CHMP7: variants seen among roughly 807,000 people sequenced by gnomAD.
The protein encoded by CHMP7 is CHMP family, member 7.
Under a neutral mutation model 53.7 loss-of-function variants are expected in CHMP7, and 15 were observed. That is an observed-to-expected ratio of 0.28 (90% CI 0.19 to 0.43). The LOEUF (loss-of-function observed/expected upper bound fraction) is 0.43, where lower values mean the gene tolerates loss of function less well. Among genes scored for constraint, CHMP7 ranks in the 20% least tolerant of loss-of-function variants. The pLI, the probability that CHMP7 is intolerant of heterozygous loss-of-function variation, is 1.00. For synonymous variants in CHMP7, 261 were observed against 228.0 expected (o/e 1.14, Z -1.30); for missense variants, 527 against 569.4 (o/e 0.93, Z 0.76).
chr8:23,261,260 C>T lies in CHMP7; in HGVS notation c.*661C>T, dbSNP rs1312093176. On this transcript the variant is annotated 3_prime_UTR_variant, in exon 11 of 11. Coordinates refer to ENST00000397677, the MANE Select transcript of CHMP7 (RefSeq NM_152272.5). ...GGCTGGTGTGGCCGGTGGGCGCTGC[C>T]TCTTCATCTGATGGAGCCAGGAGGT... The T allele has an allele frequency of 6.5e-6, 1 of 152,712 alleles. No homozygotes were observed. Among genetic ancestry groups the T allele is most frequent in the African/African-American group, 2.4e-5 (1 of 41,382 alleles). 9.5% of individuals were successfully genotyped at this position (152,712 alleles called of 1,614,324 possible). A position where few individuals can be genotyped will look rare whatever the true frequency, so the allele number is the denominator to read the frequency against.
intron 5 of CHMP7, 72 bp from the exon 6 acceptor site, chr8:23,257,961 C>T: frequency 1.9e-6 from 2 of 1,029,034 alleles, no homozygotes; most frequent in Non-Finnish European, 1.5e-6. Context: ...GAGTGCTGCT[C>T]TCAGGGACCC....
Position 23,246,760 on chromosome 8 carries a change from C to T in CHMP7, c.65C>T (p.Pro22Leu), listed in dbSNP as rs760790780. ...AGGDPAGLLP[P>L]EWEEDEERMS... Reference sequence around the variant, plus strand: ...GGAGACCCGGCGGGCCTTCTGCCCCCCGAGTGGGAGGAGGACGAGGAGCGC... The same window carrying T: ...GGAGACCCGGCGGGCCTTCTGCCCCTCGAGTGGGAGGAGGACGAGGAGCGC... Residue 22 changes from proline (P) to leucine (L), a missense_variant, in exon 2 of 11, where the codon CCC becomes CTC. By Grantham distance (98) the Pro-to-Leu change is moderately conservative. Transcript: ENST00000397677. 1.9e-6 allele frequency: 3 copies of T among 1,557,692 alleles called. No homozygotes were observed. Among genetic ancestry groups the T allele is most frequent in the Non-Finnish European group, 2.6e-6 (3 of 1,151,236 alleles).
rs1204904467 is a variant in CHMP7, at chr8:23,255,373, G to T, written c.598G>T (p.Val200Leu). Reference sequence around the variant, plus strand: ...CCCAGATGAGAGGACCTTCTACTTGGTGTTGCTGCAGCTGCAGAAGGAGAA... The same window carrying T: ...CCCAGATGAGAGGACCTTCTACTTGTTGTTGCTGCAGCTGCAGAAGGAGAA... ...SCPDERTFYL[V>L]LLQLQKEKRV... is the part of the protein sequence containing the mutation. Residue 200 changes from valine to leucine, a missense_variant, in exon 4 of 11, where the codon GTG becomes TTG. Val to Leu is a conservative substitution (Grantham distance 32). Coordinates refer to ENST00000397677, the MANE Select transcript of CHMP7 (RefSeq NM_152272.5). 6.2e-7 allele frequency: 1 copy of T among 1,614,088 alleles called. No homozygotes were observed. Among genetic ancestry groups the T allele is most frequent in the African/African-American group, 1.3e-5 (1 of 74,936 alleles).
Position 23,260,986 on chromosome 8 carries a change from C to CG in CHMP7, c.*387_*388insG, listed in dbSNP as rs1350375711. ...AAATCTGAATCAGTTCCCACTCCCC[C>CG]CTGCGGTTTTTTAGAGGGGTTTATC... is the stretch of plus-strand genomic sequence containing the variant. On this transcript the variant is annotated 3_prime_UTR_variant, in exon 11 of 11. Transcript: ENST00000397677. 1.6e-5 allele frequency: 4 copies of CG among 257,544 alleles called. No homozygotes were observed. The highest frequency in any genetic ancestry group is 3.0e-5 in the Non-Finnish European group (4 of 134,178). 16.0% of individuals were successfully genotyped at this position (257,544 alleles called of 1,614,324 possible).
chr8:23,255,347 G>C lies in CHMP7; in HGVS notation c.572G>C (p.Cys191Ser), dbSNP rs542779994. The change falls in exon 4 of 11, where the codon TGC becomes TCC. Residue 191 changes from cysteine to serine, a missense_variant. Physicochemically the swap from Cys to Ser is moderately radical, Grantham distance 112 (BLOSUM62 -1). Transcript: ENST00000397677. ...CTCAGCACCCTCTGTGCTAACTCCT[G>C]CCCAGATGAGAGGACCTTCTACTTG... is the stretch of plus-strand genomic sequence containing the variant. ...SELSTLCANS[C>S]PDERTFYLVL... 9.3e-6 allele frequency: 15 copies of C among 1,614,066 alleles called. No homozygotes were observed. In the South Asian group the frequency reaches 1.3e-4, roughly 14 times the overall value.
chr8:23,255,001 C>T (rs188317603), intron 3 of CHMP7: 20 of 543,826 alleles, frequency 3.7e-5, no homozygotes, highest in African/African-American at 3.2e-4. Context: ...CCCCGATGGG[C>T]GTGCAGCGCA....
At chr8:23,250,618 G>C (rs558701994) in intron 3 of CHMP7, among the ~76,000 whole-genome samples, 2 of 121,172 alleles carry the variant, frequency 1.7e-5, no homozygotes, top group African/African-American at 6.0e-5. Context: ...GGTGATAGGG[G>C]CCTGTGTGTG....
At chr8:23,256,876 T>C (rs1225464139) in intron 5 of CHMP7, among the ~76,000 whole-genome samples, 2 of 141,766 alleles carry the variant, frequency 1.4e-5, no homozygotes, top group Non-Finnish European at 3.0e-5. Flanking sequence ...CACTGCAAGC[T>C]CCGCCTCCTG....
At chr8:23,256,702 T>C in intron 5 of CHMP7, 109 bp downstream of exon 5, 1 of 853,444 alleles carries the variant, frequency 1.2e-6, no homozygotes, top group South Asian at 2.0e-5. Context: ...TTTTTTTTTT[T>C]TTAGCTAATT....
At chr8:23,256,638 C>G in intron 5 of CHMP7, 45 bp downstream of exon 5, 1 of 1,571,030 alleles carries the variant, frequency 6.4e-7, no homozygotes, top group South Asian at 1.1e-5. Context: ...CTGTTGCTGG[C>G]CCCCAGAGCC....
Position 23,260,982 on chromosome 8 carries a change from C to G in CHMP7, c.*383C>G, listed in dbSNP as rs568057094. On this transcript the variant is annotated 3_prime_UTR_variant, in exon 11 of 11. Coordinates refer to ENST00000397677, the MANE Select transcript of CHMP7 (RefSeq NM_152272.5). Reference sequence around the variant, plus strand: ...TGCCAAATCTGAATCAGTTCCCACTCCCCCCTGCGGTTTTTTAGAGGGGTT... The same window carrying G: ...TGCCAAATCTGAATCAGTTCCCACTGCCCCCTGCGGTTTTTTAGAGGGGTT... 1 of 205,344 alleles carries G rather than the reference C, an allele frequency of 4.9e-6. No homozygotes were observed. The highest frequency in any genetic ancestry group is 8.5e-5 in the East Asian group (1 of 11,722). 12.7% of individuals were successfully genotyped at this position (205,344 alleles called of 1,614,324 possible). A position where few individuals can be genotyped will look rare whatever the true frequency, so the allele number is the denominator to read the frequency against.
intron 3 of CHMP7, among the ~76,000 whole-genome samples, 170 bp downstream of exon 3, chr8:23,249,551 G>C (rs893367850): frequency 2.0e-5 from 3 of 152,172 alleles, no homozygotes; most frequent in Non-Finnish European, 4.4e-5. Context: ...ATATTCATTA[G>C]TGGGACTTGT....
At chr8:23,248,949 T>C (rs1183148013) in intron 2 of CHMP7, among the ~76,000 whole-genome samples, 1 of 152,246 alleles carries the variant, frequency 6.6e-6, no homozygotes, top group African/African-American at 2.4e-5. Context: ...GGTGTAAATT[T>C]GGCCTCTCTG....
At chr8:23,258,549 C>A in intron 7 of CHMP7, 100 bp downstream of exon 7, 1 of 1,512,340 alleles carries the variant, frequency 6.6e-7, no homozygotes, top group Non-Finnish European at 9.1e-7. Context: ...TGGGTTCTTT[C>A]GGGATGTGGC....
At position 23,261,629 on chromosome 8, in the gene CHMP7, C is replaced by T. The variant is rs1425900855; in HGVS notation, c.*1030C>T. ...ATCTGTGGGGAGCTGCCCAGGCCACCCGTGCACCTGTCCTGCTTCCTGCAG... is the reference window on the plus strand; with the variant it reads ...ATCTGTGGGGAGCTGCCCAGGCCACTCGTGCACCTGTCCTGCTTCCTGCAG... On this transcript the variant is annotated 3_prime_UTR_variant, in exon 11 of 11. Transcript: ENST00000397677. 6.5e-6 allele frequency: 1 copy of T among 152,788 alleles called. No individual in the cohort carries two copies. The highest frequency in any genetic ancestry group is 1.5e-5 in the Non-Finnish European group (1 of 68,188). 9.5% of individuals were successfully genotyped at this position (152,788 alleles called of 1,614,324 possible).
chr8:23,259,162 A>ATTTTTTT (rs374301627), intron 9 of CHMP7, 36 bp downstream of exon 9: 7 of 530,598 alleles, frequency 1.3e-5, no homozygotes, highest in African/African-American at 6.1e-5. Context: ...ATTTTTATTC[A>ATTTTTTT]TTTTTTTTTT....
At chr8:23,251,690 G>C (rs564894646) in intron 3 of CHMP7, among the ~76,000 whole-genome samples, 1 of 152,132 alleles carries the variant, frequency 6.6e-6, no homozygotes, top group African/African-American at 2.4e-5. Flanking sequence ...ATTGTATCAG[G>C]TGCCTCTTTC....
At chr8:23,252,713 G>A (rs1801980658) in intron 3 of CHMP7, among the ~76,000 whole-genome samples, 1 of 152,152 alleles carries the variant, frequency 6.6e-6, no homozygotes, top group Non-Finnish European at 1.5e-5. Flanking sequence ...GGCATCTTCT[G>A]ACTCAAGCTT....
chr8:23,251,513 A>G (rs1229770482), intron 3 of CHMP7, among the ~76,000 whole-genome samples: 1 of 152,238 alleles, frequency 6.6e-6, no homozygotes, highest in Admixed American at 6.5e-5. Flanking sequence ...AGAAGGGAAC[A>G]GTGCCATGGG....
Sources: allele counts gnomAD v4.1 joint callset (sites outside exome capture counted in the v4.1 genomes callset), GRCh38; gene constraint gnomAD v4.1.1; transcripts MANE v1.5; gene names NCBI Gene and HGNC (gene_info 2026-07-23, HGNC 2026-07-21).